Variants in MACROD2 observed in about 807,000 individuals in gnomAD.
MACROD2 encodes ADP-ribose glycohydrolase MACROD2.
In MACROD2, 36 loss-of-function variants were observed where a neutral mutation model predicts 70.4. The ratio of observed to expected loss-of-function variants is 0.51; its 90% CI spans 0.39 to 0.68. The LOEUF (loss-of-function observed/expected upper bound fraction) is 0.68, where lower values mean the gene tolerates loss of function less well. Among genes scored for constraint, MACROD2 ranks in the 30% least tolerant of loss-of-function variants. MACROD2 has a pLI of 0.00. For missense variants in MACROD2, 496 were observed against 538.4 expected (o/e 0.92, Z 0.78); for synonymous variants, 172 against 178.8 (o/e 0.96, Z 0.30).
intron 4 of MACROD2, among the ~76,000 whole-genome samples, chr20:14,615,805 T>G (rs1279549760): frequency 6.6e-6 from 1 of 152,062 alleles, no homozygotes; most frequent in Non-Finnish European, 1.5e-5. Context: ...TAAGGATCAA[T>G]GCAAGAAGAA....
At chr20:14,916,749 G>T (rs1340772507) in intron 5 of MACROD2, among the ~76,000 whole-genome samples, 1 of 152,080 alleles carries the variant, frequency 6.6e-6, no homozygotes, top group Non-Finnish European at 1.5e-5. Context: ...ATCTTAATCA[G>T]GAGGAAGCGA....
intron 1 of MACROD2, among the ~76,000 whole-genome samples, chr20:13,998,954 C>CA (rs11476537): frequency 0.016 from 1,607 of 99,400 alleles, 40 homozygotes; most frequent in East Asian, 0.087. Context: ...GACTCCGTCT[C>CA]AAAAAAAAAA....
chr20:14,582,197 G>T (rs533761518), intron 4 of MACROD2, among the ~76,000 whole-genome samples: 1 of 152,112 alleles, frequency 6.6e-6, no homozygotes, highest in African/African-American at 2.4e-5. Flanking sequence ...CAGTATGAAA[G>T]AGAAAAATCA....
chr20:15,965,862 A>G (rs2066133467), intron 12 of MACROD2, among the ~76,000 whole-genome samples: 1 of 152,180 alleles, frequency 6.6e-6, no homozygotes, highest in South Asian at 2.1e-4. Context: ...TTTTAGACTT[A>G]TTGTCAGCCT....
chr20:15,469,133 G>A (rs1435388411), intron 7 of MACROD2, among the ~76,000 whole-genome samples: 3 of 152,138 alleles, frequency 2.0e-5, no homozygotes, highest in Admixed American at 6.5e-5. Context: ...GAGGAATTAA[G>A]AAATTAAAAA....
chr20:14,045,217 A>G (rs2053454395), intron 2 of MACROD2, among the ~76,000 whole-genome samples: 2 of 152,246 alleles, frequency 1.3e-5, no homozygotes, highest in African/African-American at 4.8e-5. Context: ...TGGCCAGCCC[A>G]GAAAGGGGCT....
At chr20:15,849,973 G>A (rs1156865029) in intron 8 of MACROD2, among the ~76,000 whole-genome samples, 2 of 152,190 alleles carry the variant, frequency 1.3e-5, no homozygotes, top group East Asian at 3.9e-4. Context: ...CACCATGGGA[G>A]TGATGGCAAA....
chr20:15,025,005 T>G (rs1311830238), intron 5 of MACROD2, among the ~76,000 whole-genome samples: 1 of 152,158 alleles, frequency 6.6e-6, no homozygotes, highest in Admixed American at 6.5e-5. Context: ...CACCATTAGT[T>G]AAACACAAAA....
chr20:14,987,834 A>G (rs945819005), intron 5 of MACROD2, among the ~76,000 whole-genome samples: 7 of 151,800 alleles, frequency 4.6e-5, no homozygotes, highest in African/African-American at 1.5e-4. Flanking sequence ...ATTCATTCAT[A>G]TGTCAGGACT....
At chr20:14,857,784 AG>A (rs1818536479) in intron 5 of MACROD2, among the ~76,000 whole-genome samples, 2 of 145,278 alleles carry the variant, frequency 1.4e-5, no homozygotes, top group South Asian at 4.4e-4. Context: ...GGAGTTATTT[AG>A]TCAATAGGGA....
At position 14,186,058 on chromosome 20, in the gene MACROD2, C is replaced by G. The variant is rs910873566; in HGVS notation, c.271+100330C>G. Among the ~76,000 whole-genome samples the G allele has an allele frequency of 1.3e-4, 20 of 152,220 alleles. No individual in the cohort carries two copies. In the South Asian group the frequency reaches 2.5e-3, roughly 19 times the overall value. ...TTCTTCCCCAGGTGTATAGCTCTAT[C>G]CCTGGCCTTTTTGATGCCCAACCCA... On this transcript the variant is annotated intron_variant, in intron 3 of 17. Coordinates refer to ENST00000684519, the MANE Select transcript of MACROD2 (RefSeq NM_001351661.2).
chr20:15,777,446 T>C (rs1053970778), intron 8 of MACROD2, among the ~76,000 whole-genome samples: 4 of 152,044 alleles, frequency 2.6e-5, no homozygotes, highest in African/African-American at 9.7e-5. Context: ...ATGTTTTTTT[T>C]TTTTCATCAC....
At chr20:14,226,439 C>A (rs1263754328) in intron 3 of MACROD2, among the ~76,000 whole-genome samples, 1 of 152,244 alleles carries the variant, frequency 6.6e-6, no homozygotes, top group Admixed American at 6.5e-5. Context: ...CCCACCGCTG[C>A]ACTGTGTGAG....
chr20:15,080,935 A>G (rs902456046), intron 5 of MACROD2, among the ~76,000 whole-genome samples: 1 of 151,932 alleles, frequency 6.6e-6, no homozygotes, highest in African/African-American at 2.4e-5. Flanking sequence ...TATTCTCCAC[A>G]TCCACTCCAC....
intron 8 of MACROD2, chr20:15,552,385 C>T (rs1313468413): frequency 6.6e-6 from 1 of 152,164 alleles, no homozygotes; most frequent in African/African-American, 2.4e-5. Context: ...TTGAAAATCT[C>T]TCATTATTCC....
At chr20:15,329,128 G>A (rs555949029) in intron 6 of MACROD2, among the ~76,000 whole-genome samples, 26 of 152,068 alleles carry the variant, frequency 1.7e-4, no homozygotes, top group Non-Finnish European at 3.5e-4. Flanking sequence ...GAGTCTATTC[G>A]ATTGTGTAAA....
intron 5 of MACROD2, among the ~76,000 whole-genome samples, chr20:14,804,262 T>C (rs938780331): frequency 5.9e-5 from 9 of 152,096 alleles, no homozygotes; most frequent in African/African-American, 2.2e-4. Flanking sequence ...TGTTTTTAGA[T>C]AATTGTTTCA....
At chr20:14,892,185 A>C (rs1484771898) in intron 5 of MACROD2, among the ~76,000 whole-genome samples, 1 of 152,118 alleles carries the variant, frequency 6.6e-6, no homozygotes, top group Non-Finnish European at 1.5e-5. Flanking sequence ...TAAATTTCTA[A>C]ATGTGGGCTG....
At chr20:14,234,209 A>C (rs983285946) in intron 3 of MACROD2, among the ~76,000 whole-genome samples, 44 of 152,180 alleles carry the variant, frequency 2.9e-4, no homozygotes, top group African/African-American at 1.0e-3. Flanking sequence ...AAACTGCACT[A>C]CTAAAAATAA....
Sources: gnomAD v4.1 joint callset for allele counts (sites outside exome capture counted in the v4.1 genomes callset) on GRCh38, gnomAD v4.1.1 for gene constraint, MANE v1.5 for transcripts, NCBI Gene and HGNC (gene_info 2026-07-23, HGNC 2026-07-21) for gene names.